Variants in CDH4 observed in about 807,000 individuals in gnomAD.
The protein encoded by CDH4 is cadherin-4.
A neutral mutation model predicts 86.0 loss-of-function variants in CDH4; 33 were observed. That is an observed-to-expected ratio of 0.38 (90% CI 0.29 to 0.51). CDH4 has a LOEUF of 0.51. Ranked by LOEUF, CDH4 falls within the 20% of genes least tolerant of loss-of-function variation. The probability of loss-of-function intolerance (pLI) is 0.86; values close to 1 mark genes in which losing one functional copy is unlikely to be tolerated. For missense variants in CDH4, 1,114 were observed against 1,307.4 expected, an observed-to-expected ratio of 0.85 and a Z score of 2.28; for synonymous variants, 555 against 549.4, an observed-to-expected ratio of 1.01 and a Z score of -0.14.
intron 2 of CDH4, among the ~76,000 whole-genome samples, chr20:61,264,173 G>A (rs974504182): frequency 7.2e-4 from 110 of 152,292 alleles, no homozygotes; most frequent in African/African-American, 2.6e-3. Context: ...ATCCTAGCAG[G>A]TGTGTGTGGG....
chr20:61,402,388 G>T (rs956369076), intron 2 of CDH4, among the ~76,000 whole-genome samples: 7 of 152,134 alleles, frequency 4.6e-5, no homozygotes, highest in Admixed American at 1.3e-4. Flanking sequence ...CAGTACAGAT[G>T]CAGTTTTGTT....
At chr20:61,936,680 G>A in intron 15 of CDH4, 57 bp from the exon 16 acceptor site, 3 of 1,397,928 alleles carry the variant, frequency 2.1e-6, no homozygotes, top group Non-Finnish European at 2.8e-6. Flanking sequence ...CGTTCCATCT[G>A]ATCCCGGGGC....
At chr20:61,892,379 T>C (rs956879131) in intron 7 of CDH4, among the ~76,000 whole-genome samples, 5 of 152,202 alleles carry the variant, frequency 3.3e-5, no homozygotes, top group East Asian at 3.9e-4. Context: ...CAGTGGGTGA[T>C]GGATGAGACA....
chr20:61,440,701 G>A (rs184596976), intron 2 of CDH4, among the ~76,000 whole-genome samples: 26 of 152,330 alleles, frequency 1.7e-4, no homozygotes, highest in Middle Eastern at 3.4e-3. Context: ...GGGAACCAGG[G>A]CTGCAATGCC....
At chr20:61,594,160 G>A (rs1405484881) in intron 2 of CDH4, among the ~76,000 whole-genome samples, 94 of 96,282 alleles carry the variant, frequency 9.8e-4, no homozygotes, top group Non-Finnish European at 1.5e-3. Context: ...AGAGGGTTGG[G>A]GAAAGAGGGG....
At chr20:61,508,326 G>A (rs1047703685) in intron 2 of CDH4, among the ~76,000 whole-genome samples, 1 of 152,264 alleles carries the variant, frequency 6.6e-6, no homozygotes, top group Non-Finnish European at 1.5e-5. Context: ...TCCCCACCGG[G>A]TGAGAAGCCA....
intron 2 of CDH4, among the ~76,000 whole-genome samples, chr20:61,359,306 A>T (rs1473966018): frequency 6.6e-6 from 1 of 152,162 alleles, no homozygotes; most frequent in African/African-American, 2.4e-5. Flanking sequence ...CTCATTTGTC[A>T]GCTACGCCGA....
intron 2 of CDH4, among the ~76,000 whole-genome samples, chr20:61,583,088 G>A (rs954901243): frequency 6.6e-6 from 1 of 151,292 alleles, no homozygotes. Context: ...GAGGTCAGAG[G>A]GGAGGTGAAG....
chr20:61,723,109 A>G (rs73915371), intron 2 of CDH4, among the ~76,000 whole-genome samples: 2 of 152,304 alleles, frequency 1.3e-5, no homozygotes, highest in African/African-American at 2.4e-5. Flanking sequence ...ATCACCGATC[A>G]CCATGAGTCT....
At chr20:61,474,722 TTC>T (rs1018755891) in intron 2 of CDH4, among the ~76,000 whole-genome samples, 1 of 152,048 alleles carries the variant, frequency 6.6e-6, no homozygotes, top group Admixed American at 6.5e-5. Flanking sequence ...AAAAAAAAAA[TTC>T]TTTTTTCTCC....
chr20:61,891,681 C>T (rs927418818), intron 7 of CDH4, among the ~76,000 whole-genome samples: 3 of 152,192 alleles, frequency 2.0e-5, no homozygotes, highest in African/African-American at 7.2e-5. Flanking sequence ...CCCATGTAGG[C>T]TGGGCCTGGT....
chr20:61,680,860 G>C (rs2087504644), intron 2 of CDH4, among the ~76,000 whole-genome samples: 1 of 152,168 alleles, frequency 6.6e-6, no homozygotes, highest in Non-Finnish European at 1.5e-5. Context: ...GCGTCCTTCA[G>C]AGGGACTGGA....
intron 2 of CDH4, among the ~76,000 whole-genome samples, chr20:61,312,452 T>G (rs2084451834): frequency 6.6e-6 from 1 of 152,070 alleles, no homozygotes; most frequent in East Asian, 1.9e-4. Flanking sequence ...TGCTTGGTGA[T>G]CATGGGCCCT....
intron 2 of CDH4, among the ~76,000 whole-genome samples, chr20:61,479,280 C>T (rs1343842033): frequency 1.3e-5 from 2 of 151,902 alleles, no homozygotes; most frequent in Admixed American, 6.6e-5. Context: ...ATACATGTGC[C>T]ATGTTGGTGT....
intron 6 of CDH4, among the ~76,000 whole-genome samples, chr20:61,862,936 C>A (rs886851105): frequency 1.3e-5 from 2 of 152,116 alleles, no homozygotes; most frequent in South Asian, 4.2e-4. Context: ...TATTAGTGGG[C>A]CCCGTTTATT....
In CDH4 at chr20:61,389,942, C is replaced by A. The variant is rs550451297; in HGVS notation, c.169+135005C>A. On this transcript the variant is annotated intron_variant, in intron 2 of 15. Coordinates refer to ENST00000614565, the MANE Select transcript of CDH4 (RefSeq NM_001794.5). ...CTAGGAAACCCCGATTGGGTTCGTG[C>A]GGTCATAGGGTGTCCATAGTGCCGT... Among the ~76,000 whole-genome samples, 42 of 148,384 alleles carry A rather than the reference C, an allele frequency of 2.8e-4. No homozygotes were observed. The Middle Eastern group carries it at 0.015, about 54-fold the overall frequency.
intron 14 of CDH4, 145 bp downstream of exon 14, chr20:61,933,269 C>T: frequency 1.9e-6 from 2 of 1,051,412 alleles, no homozygotes; most frequent in Non-Finnish European, 2.7e-6. Context: ...CGCACGGTTT[C>T]CTAGCCTGGG....
chr20:61,496,934 T>C (rs865862892), intron 2 of CDH4, among the ~76,000 whole-genome samples: 7 of 152,130 alleles, frequency 4.6e-5, no homozygotes, highest in Non-Finnish European at 7.4e-5. Context: ...CAGGTGTTTT[T>C]TTTTGTTTGT....
At chr20:61,889,612 A>T in intron 7 of CDH4, among the ~76,000 whole-genome samples, 2 of 10,840 alleles carry the variant, frequency 1.8e-4, no homozygotes, top group Non-Finnish European at 5.3e-4. Context: ...TGATGGGTGG[A>T]TAGATGATGG....
Sources: allele counts gnomAD v4.1 joint callset (sites outside exome capture counted in the v4.1 genomes callset), GRCh38; gene constraint gnomAD v4.1.1; transcripts MANE v1.5; gene names NCBI Gene and HGNC (gene_info 2026-07-23, HGNC 2026-07-21).